ZSCAN25: variants seen among roughly 807,000 people sequenced by gnomAD.
ZSCAN25 encodes zinc finger and SCAN domain containing 25, also known as zinc finger and SCAN domain-containing protein 25.
Under a neutral mutation model 38.7 loss-of-function variants are expected in ZSCAN25, and 27 were observed. That is an observed-to-expected ratio of 0.70 (90% confidence interval 0.51 to 0.96). The LOEUF (loss-of-function observed/expected upper bound fraction) is 0.96, where lower values mean the gene tolerates loss of function less well. Among genes scored for constraint, ZSCAN25 ranks in the 40% least tolerant of loss-of-function variants. The pLI, the probability that ZSCAN25 is intolerant of heterozygous loss-of-function variation, is 0.00. For missense variants in ZSCAN25, 637 were observed against 705.9 expected, an observed-to-expected ratio of 0.90 and a Z score of 1.11; for synonymous variants, 273 against 277.7, an observed-to-expected ratio of 0.98 and a Z score of 0.17.
At chr7:99,677,082 C>T in the ZSCAN25 span, 757 of 662,388 alleles carry the variant, frequency 1.1e-3, 7 homozygotes, top group African/African-American at 0.013. Flanking sequence ...TGCCTCTGTA[C>T]GTGAAGTATC....
the ZSCAN25 span, among the ~76,000 whole-genome samples, chr7:99,723,027 T>TAAA: frequency 6.6e-6 from 1 of 150,870 alleles, no homozygotes. Flanking sequence ...CACTGAAACT[T>TAAA]AAAAAAAAAC....
the ZSCAN25 span, chr7:99,660,530 T>G: frequency 2.4e-4 from 390 of 1,613,630 alleles, 4 homozygotes; most frequent in Non-Finnish European, 1.6e-5. Context: ...AATCTCCTTT[T>G]GCAGTTTCTG....
the ZSCAN25 span, among the ~76,000 whole-genome samples, chr7:99,732,873 C>T: frequency 3.3e-5 from 5 of 151,930 alleles, no homozygotes; most frequent in East Asian, 9.6e-4. Flanking sequence ...TGGAGTATTC[C>T]ACATAAGTAA....
At chr7:99,664,996 A>G in the ZSCAN25 span, among the ~76,000 whole-genome samples, 1 of 152,314 alleles carries the variant, frequency 6.6e-6, no homozygotes, top group Admixed American at 6.5e-5. Context: ...TGAGGGCTCT[A>G]GATTGACAAA....
At chr7:99,647,875 C>T in the ZSCAN25 span, 20 of 984,720 alleles carry the variant, frequency 2.0e-5, no homozygotes, top group South Asian at 2.8e-4. Flanking sequence ...TTTATCACTT[C>T]GCTTAATATA....
chr7:99,718,499 A>T, the ZSCAN25 span, among the ~76,000 whole-genome samples: 1 of 152,156 alleles, frequency 6.6e-6, no homozygotes, highest in Non-Finnish European at 1.5e-5. Flanking sequence ...GTACTCTTTT[A>T]TGTTAAAAAT....
At chr7:99,730,230 A>C in the ZSCAN25 span, among the ~76,000 whole-genome samples, 1 of 152,230 alleles carries the variant, frequency 6.6e-6, no homozygotes, top group Non-Finnish European at 1.5e-5. Context: ...AGTGAAATTA[A>C]ATATTCAATA....
the ZSCAN25 span, chr7:99,663,612 AC>A: frequency 2.0e-6 from 2 of 1,000,164 alleles, no homozygotes; most frequent in Non-Finnish European, 2.4e-6. Flanking sequence ...ATGATTCTTT[AC>A]CAATCTGTGA....
chr7:99,711,028 G>C, the ZSCAN25 span: 1 of 1,441,866 alleles, frequency 6.9e-7, no homozygotes, highest in Non-Finnish European at 9.4e-7. Context: ...CTCACTGGGG[G>C]TGGTTTCACT....
the ZSCAN25 span, chr7:99,708,049 C>G: frequency 6.2e-7 from 1 of 1,604,466 alleles, no homozygotes; most frequent in South Asian, 1.1e-5. Context: ...GGGTTTCTTA[C>G]TTAGGGCCCA....
Position 99,632,156 on chromosome 7 carries a change from C to G in ZSCAN25, c.*2136C>G. 1 of 985,448 alleles carries G rather than the reference C, an allele frequency of 1.0e-6. No homozygotes were observed. The highest frequency in any genetic ancestry group is 1.2e-6 in the Non-Finnish European group (1 of 829,936). The allele number at this position is 985,448 out of a possible 1,614,324, so 61.0% of individuals were successfully genotyped here. Reference sequence around the variant, plus strand: ...AGCTGGGCCTTGCTGACTTTCCTATCTGGCCTCTTCCCTATCTCCTGTGGG... The same window carrying G: ...AGCTGGGCCTTGCTGACTTTCCTATGTGGCCTCTTCCCTATCTCCTGTGGG... On this transcript the variant is annotated 3_prime_UTR_variant, in exon 8 of 8. Coordinates refer to ENST00000394152, the MANE Select transcript of ZSCAN25 (RefSeq NM_145115.3).
At chr7:99,676,575 T>A in the ZSCAN25 span, 2 of 1,354,386 alleles carry the variant, frequency 1.5e-6, no homozygotes, top group African/African-American at 2.9e-5. Context: ...GGGACTCTCA[T>A]CCTAGGTAGA....
At chr7:99,689,757 T>C in the ZSCAN25 span, among the ~76,000 whole-genome samples, 5 of 152,184 alleles carry the variant, frequency 3.3e-5, no homozygotes, top group Admixed American at 6.5e-5. Flanking sequence ...GTGAAGGACC[T>C]CTTCAAGGAG....
At chr7:99,717,468 C>A in the ZSCAN25 span, 1 of 1,604,746 alleles carries the variant, frequency 6.2e-7, no homozygotes, top group Non-Finnish European at 8.5e-7. Flanking sequence ...TACTTTCTAC[C>A]TGTCCCCACC....
At chr7:99,737,168 T>G in the ZSCAN25 span, among the ~76,000 whole-genome samples, 1 of 152,138 alleles carries the variant, frequency 6.6e-6, no homozygotes, top group Non-Finnish European at 1.5e-5. Context: ...ATCCCCAGTT[T>G]ACAGATGTAG....
At chr7:99,685,561 T>A in the ZSCAN25 span, among the ~76,000 whole-genome samples, 1 of 152,226 alleles carries the variant, frequency 6.6e-6, no homozygotes, top group Non-Finnish European at 1.5e-5. Context: ...TTGTGCAAAC[T>A]TGTGGTTTCG....
chr7:99,665,730 T>C, the ZSCAN25 span, among the ~76,000 whole-genome samples: 1 of 152,242 alleles, frequency 6.6e-6, no homozygotes, highest in African/African-American at 2.4e-5. Flanking sequence ...ACAGACTCTA[T>C]GCCCAGAGCC....
the ZSCAN25 span, chr7:99,695,892 G>A: frequency 2.6e-6 from 4 of 1,519,670 alleles, no homozygotes; most frequent in African/African-American, 4.2e-5. Context: ...TATAGATATG[G>A]GGGCTGGTAA....
chr7:99,636,677 C>G (rs1392610390), downstream of ZSCAN25, among the ~76,000 whole-genome samples: 2 of 152,194 alleles, frequency 1.3e-5, no homozygotes, highest in African/African-American at 4.8e-5. Flanking sequence ...TAAAATTATT[C>G]CTTAAGGCTA....
Sources: gnomAD v4.1 joint callset for allele counts (sites outside exome capture counted in the v4.1 genomes callset) on GRCh38, gnomAD v4.1.1 for gene constraint, MANE v1.5 for transcripts, NCBI Gene and HGNC (gene_info 2026-07-23, HGNC 2026-07-21) for gene names.